The following STAU2 variants were observed in gnomAD, a reference collection of about 807,000 sequenced individuals.
The protein encoded by STAU2 is staufen double-stranded RNA binding protein 2.
In STAU2, 20 loss-of-function variants were observed where a neutral mutation model predicts 65.9. That is an observed-to-expected ratio of 0.30 (90% confidence interval 0.21 to 0.44). STAU2 has a LOEUF of 0.44. Ranked by LOEUF, STAU2 falls within the 20% of genes least tolerant of loss-of-function variation. The probability of loss-of-function intolerance (pLI) is 1.00; values close to 1 mark genes in which losing one functional copy is unlikely to be tolerated. For synonymous variants in STAU2, 232 were observed against 233.9 expected (o/e 0.99, Z 0.07); for missense variants, 558 against 683.9 (o/e 0.82, Z 2.05).
chr8:73,435,057 C>T (rs1443484535), intron 13 of STAU2, among the ~76,000 whole-genome samples: 4 of 150,430 alleles, frequency 2.7e-5, no homozygotes, highest in Non-Finnish European at 5.9e-5. Flanking sequence ...CAGATGTCAG[C>T]GTTATCCACA....
chr8:73,457,485 T>C (rs753416498), intron 13 of STAU2, among the ~76,000 whole-genome samples: 79 of 152,228 alleles, frequency 5.2e-4, no homozygotes, highest in Non-Finnish European at 1.0e-3. Context: ...CATATTTCCA[T>C]TGGTGATGCT....
At chr8:73,586,662 A>G (rs1402199484) in intron 11 of STAU2, among the ~76,000 whole-genome samples, 5 of 151,634 alleles carry the variant, frequency 3.3e-5, no homozygotes, top group African/African-American at 1.2e-4. Context: ...AAAAAAAAAA[A>G]AAAAATCCTC....
chr8:73,555,904 CAT>C (rs564150408), intron 12 of STAU2, among the ~76,000 whole-genome samples: 221 of 152,172 alleles, frequency 1.5e-3, no homozygotes, highest in Non-Finnish European at 2.4e-3. Context: ...TCTACATTAA[CAT>C]GTGTTAGTTT....
At position 73,603,757 on chromosome 8, in the gene STAU2, C is replaced by T. The variant is rs747213478; in HGVS notation, c.998G>A (p.Gly333Glu). ...EPDYVLLSER[G>E]MPRRREFVMQ... ...CACAAATTCTCGACGTCGAGGCATT[C>T]CTCTTTCTGAAAGCAAAACATAATC... is the stretch of plus-strand genomic sequence containing the variant. The change falls in exon 10 of 15, where the codon GGA (glycine) becomes GAA (glutamate). Residue 333 changes from glycine (G) to glutamate (E), a missense_variant. Coordinates refer to ENST00000524300, the MANE Select transcript of STAU2 (RefSeq NM_001164380.2). 5 of 1,611,518 alleles carry T rather than the reference C, an allele frequency of 3.1e-6. No individual in the cohort carries two copies. The highest frequency in any genetic ancestry group is 4.2e-6 in the Non-Finnish European group (5 of 1,179,752).
At chr8:73,628,164 G>T (rs1044148585) in intron 6 of STAU2, among the ~76,000 whole-genome samples, 19 of 151,226 alleles carry the variant, frequency 1.3e-4, no homozygotes, top group Admixed American at 5.3e-4. Flanking sequence ...GCCTCAACCT[G>T]CTGGGCTCAA....
rs566364375 is a variant in STAU2 at position 73,558,547 on chromosome 8, A to G, written c.1223-6228T>C. Among the ~76,000 whole-genome samples the G allele has an allele frequency of 4.6e-5, 7 of 152,332 alleles. No individual in the cohort carries two copies. In the East Asian group the frequency reaches 1.4e-3, roughly 29 times the overall value. On this transcript the variant is annotated intron_variant, in intron 12 of 14. Transcript: ENST00000524300. ...AATTGGAGAGCTCTTAAAAGGTTTT[A>G]TAAGCGAACTTAGGAGAACCTTGCC...
At chr8:73,519,749 A>G (rs1366120773) in intron 13 of STAU2, among the ~76,000 whole-genome samples, 1 of 152,244 alleles carries the variant, frequency 6.6e-6, no homozygotes, top group Non-Finnish European at 1.5e-5. Flanking sequence ...ATTCCATCCT[A>G]TAAACACATA....
intron 6 of STAU2, among the ~76,000 whole-genome samples, chr8:73,638,518 TA>T (rs750824602): frequency 7.0e-4 from 100 of 141,880 alleles, no homozygotes; most frequent in African/African-American, 2.1e-3. Flanking sequence ...TTTTTTTTTT[TA>T]AAAAGAGTCC....
chr8:73,519,327 C>T (rs534004689), intron 13 of STAU2, among the ~76,000 whole-genome samples: 2 of 152,242 alleles, frequency 1.3e-5, no homozygotes, highest in East Asian at 3.9e-4. Context: ...TAAATTCTTG[C>T]TCAAACCTAT....
chr8:73,504,724 CAA>C (rs1821963919), intron 13 of STAU2, among the ~76,000 whole-genome samples: 1 of 150,564 alleles, frequency 6.6e-6, no homozygotes, highest in South Asian at 2.1e-4. Context: ...AAAAAAAAAA[CAA>C]AACTTGTTTT....
At chr8:73,584,565 G>A (rs1015621630) in intron 11 of STAU2, among the ~76,000 whole-genome samples, 6 of 152,162 alleles carry the variant, frequency 3.9e-5, no homozygotes, top group Non-Finnish European at 8.8e-5. Context: ...ATATGCACAG[G>A]TGCCAGGACA....
At chr8:73,691,637 A>G (rs750275057) in intron 4 of STAU2, among the ~76,000 whole-genome samples, 22 of 152,064 alleles carry the variant, frequency 1.4e-4, no homozygotes, top group Admixed American at 1.1e-3. Context: ...ATATACATGC[A>G]CCAATGATAT....
Position 73,537,398 on chromosome 8 carries a change from A to T in STAU2, c.1530+14614T>A, listed in dbSNP as rs567816737. ...CCTTTAAGAAGCTGGGTAAGCCCCA[A>T]CAGGATAAAAACAAACAAATCAACA... On this transcript the variant is annotated intron_variant, in intron 13 of 14. Transcript: ENST00000524300. Among the ~76,000 whole-genome samples the T allele has an allele frequency of 6.6e-5, 10 of 152,238 alleles. No homozygotes were observed. In the East Asian group the frequency reaches 1.9e-3, roughly 29 times the overall value.
At chr8:73,481,502 A>C (rs1056434991) in intron 13 of STAU2, among the ~76,000 whole-genome samples, 2 of 73,902 alleles carry the variant, frequency 2.7e-5, no homozygotes, top group Admixed American at 3.4e-4. Context: ...AAATAAGCCA[A>C]AAAAACAAAA....
At chr8:73,449,341 T>C (rs995413073) in intron 13 of STAU2, among the ~76,000 whole-genome samples, 1 of 152,194 alleles carries the variant, frequency 6.6e-6, no homozygotes, top group Non-Finnish European at 1.5e-5. Flanking sequence ...TCCCAGGGCC[T>C]TCCTTCTGGG....
At chr8:73,543,866 A>G (rs1027950936) in intron 13 of STAU2, among the ~76,000 whole-genome samples, 2 of 152,164 alleles carry the variant, frequency 1.3e-5, no homozygotes, top group Non-Finnish European at 2.9e-5. Context: ...AGTTATATCT[A>G]TACACTGATG....
intron 10 of STAU2, among the ~76,000 whole-genome samples, chr8:73,602,743 A>G (rs1811725436): frequency 6.6e-6 from 1 of 151,418 alleles, no homozygotes; most frequent in African/African-American, 2.4e-5. Flanking sequence ...AAAAAAAAAA[A>G]CAAAAAATTA....
chr8:73,587,531 T>G (rs1038412514), intron 11 of STAU2, among the ~76,000 whole-genome samples: 18 of 152,092 alleles, frequency 1.2e-4, no homozygotes, highest in African/African-American at 4.1e-4. Flanking sequence ...TTGGGTAGGG[T>G]GTACGTTGGG....
At chr8:73,595,319 A>G (rs1327884293) in intron 10 of STAU2, 22 bp from the exon 11 acceptor site, 1 of 1,565,556 alleles carries the variant, frequency 6.4e-7, no homozygotes. Flanking sequence ...AAAGAAATAA[A>G]TTAAAGAAAT....
Sources: gnomAD v4.1 joint callset for allele counts (sites outside exome capture counted in the v4.1 genomes callset) on GRCh38, gnomAD v4.1.1 for gene constraint, MANE v1.5 for transcripts, NCBI Gene and HGNC (gene_info 2026-07-23, HGNC 2026-07-21) for gene names.